ARFGEF1: variants seen among roughly 807,000 people sequenced by gnomAD.
The protein encoded by ARFGEF1 is brefeldin A-inhibited guanine nucleotide-exchange protein 1.
In ARFGEF1, 42 loss-of-function variants were observed where a neutral mutation model predicts 231.0. The observed-to-expected ratio is 0.18, with a 90% confidence interval of 0.14 to 0.24. ARFGEF1 has a LOEUF of 0.24. Among genes scored for constraint, ARFGEF1 ranks in the 10% least tolerant of loss-of-function variants. The pLI is 1.00. For synonymous variants in ARFGEF1, 710 were observed against 732.3 expected (o/e 0.97, Z 0.49); for missense variants, 1,345 against 2,192.0 (o/e 0.61, Z 7.72).
intron 1 of ARFGEF1, among the ~76,000 whole-genome samples, chr8:67,322,203 A>G (rs1807628364): frequency 6.6e-6 from 1 of 152,108 alleles, no homozygotes; most frequent in African/African-American, 2.4e-5. Flanking sequence ...ATCCTTACCT[A>G]TAACACTTTC....
At chr8:67,321,643 A>T (rs994473209) in intron 1 of ARFGEF1, among the ~76,000 whole-genome samples, 3 of 150,938 alleles carry the variant, frequency 2.0e-5, no homozygotes, top group African/African-American at 7.3e-5. Flanking sequence ...TTTATTTTTA[A>T]TAGAGACGGG....
intron 29 of ARFGEF1, among the ~76,000 whole-genome samples, chr8:67,219,883 T>C (rs763653158): frequency 3.4e-4 from 52 of 152,376 alleles, no homozygotes; most frequent in Non-Finnish European, 6.8e-4. Flanking sequence ...TGAGTGAATA[T>C]TAATTTTGTG....
At chr8:67,296,051 T>C (rs1806218852) in intron 5 of ARFGEF1, among the ~76,000 whole-genome samples, 1 of 152,172 alleles carries the variant, frequency 6.6e-6, no homozygotes, top group Non-Finnish European at 1.5e-5. Flanking sequence ...ATTTCATCAA[T>C]ATGGAAATAT....
At chr8:67,233,081 A>G (rs1436982638) in intron 22 of ARFGEF1, 136 bp from the exon 23 acceptor site, 4 of 716,866 alleles carry the variant, frequency 5.6e-6, no homozygotes, top group African/African-American at 1.8e-5. Context: ...AATTCTTTTG[A>G]TATCAGTGAC....
intron 5 of ARFGEF1, chr8:67,177,749 T>G: frequency 6.3e-7 from 1 of 1,585,022 alleles, no homozygotes; most frequent in Non-Finnish European, 8.7e-7. Context: ...TTACAATTTT[T>G]CAAGTTAGTT....
chr8:67,290,015 A>C (rs1805940095), intron 6 of ARFGEF1, among the ~76,000 whole-genome samples: 1 of 152,248 alleles, frequency 6.6e-6, no homozygotes, highest in Non-Finnish European at 1.5e-5. Flanking sequence ...TATTACATGT[A>C]GGAAATGCTT....
At chr8:67,200,046 C>T in intron 38 of ARFGEF1, 1 of 355,414 alleles carries the variant, frequency 2.8e-6, no homozygotes, top group Non-Finnish European at 5.6e-6. Context: ...GAGTAGTAGG[C>T]AGAGTACAAG....
chr8:67,189,337 A>G (rs1835552601), intron 5 of ARFGEF1, among the ~76,000 whole-genome samples: 1 of 152,224 alleles, frequency 6.6e-6, no homozygotes, highest in African/African-American at 2.4e-5. Flanking sequence ...ACCTTTATTC[A>G]TAATTGCTAA....
chr8:67,211,117 G>A (rs1336087471), intron 34 of ARFGEF1, among the ~76,000 whole-genome samples: 2 of 150,238 alleles, frequency 1.3e-5, no homozygotes, highest in Non-Finnish European at 3.0e-5. Context: ...AGGCTGAGGC[G>A]GGCAGATCAC....
At chr8:67,203,923 A>G (rs1280096899) in intron 35 of ARFGEF1, among the ~76,000 whole-genome samples, 1 of 152,128 alleles carries the variant, frequency 6.6e-6, no homozygotes, top group Non-Finnish European at 1.5e-5. Flanking sequence ...CTTCTACCCC[A>G]GGTGATTCCC....
At chr8:67,219,779 A>G (rs1005443335) in intron 29 of ARFGEF1, among the ~76,000 whole-genome samples, 1 of 152,224 alleles carries the variant, frequency 6.6e-6, no homozygotes, top group Non-Finnish European at 1.5e-5. Context: ...CTTGGCTGTA[A>G]ACTTTTTTAT....
At chr8:67,195,262 C>T (rs1353308972), downstream of ARFGEF1, 1 of 745,836 alleles carries the variant, frequency 1.3e-6, no homozygotes, top group Non-Finnish European at 2.4e-6. Context: ...CAGTAGAGTT[C>T]AGGATATGAG....
At chr8:67,339,465 C>G (rs1448853631) in intron 1 of ARFGEF1, among the ~76,000 whole-genome samples, 1 of 152,038 alleles carries the variant, frequency 6.6e-6, no homozygotes, top group Non-Finnish European at 1.5e-5. Flanking sequence ...ATAAAAGAAA[C>G]TCCTGAAACT....
chr8:67,223,228 G>T (rs1839261335), intron 29 of ARFGEF1, among the ~76,000 whole-genome samples: 1 of 152,162 alleles, frequency 6.6e-6, no homozygotes, highest in East Asian at 1.9e-4. Context: ...TGTTGTTAAA[G>T]ACAGAGAGTC....
intron 1 of ARFGEF1, among the ~76,000 whole-genome samples, chr8:67,308,598 C>T (rs1253281334): frequency 6.6e-6 from 1 of 152,140 alleles, no homozygotes; most frequent in African/African-American, 2.4e-5. Flanking sequence ...TGAAATATTC[C>T]ACAGCCTCAG....
At chr8:67,259,685 CAGG>C in intron 15 of ARFGEF1, 127 bp downstream of exon 15, 1 of 553,124 alleles carries the variant, frequency 1.8e-6, no homozygotes, top group South Asian at 2.9e-5. Context: ...GAGGCTGAGG[CAGG>C]AGGATTGCCT....
intron 1 of ARFGEF1, among the ~76,000 whole-genome samples, chr8:67,314,368 G>C (rs938382699): frequency 6.6e-6 from 1 of 152,256 alleles, no homozygotes; most frequent in Non-Finnish European, 1.5e-5. Flanking sequence ...TGCTCCTCTA[G>C]CCAACCTCCT....
At chr8:67,193,875 C>A (rs144835315), downstream of ARFGEF1, among the ~76,000 whole-genome samples, 176 of 152,290 alleles carry the variant, frequency 1.2e-3, 1 homozygote, top group African/African-American at 4.2e-3. Context: ...GCTTTGCTTT[C>A]AGCAAAGAAA....
intron 5 of ARFGEF1, among the ~76,000 whole-genome samples, chr8:67,180,871 T>G (rs1586798098): frequency 6.6e-6 from 1 of 152,122 alleles, no homozygotes; most frequent in South Asian, 2.1e-4. Context: ...TTTTTTAAAG[T>G]AGTATACACT....
Sources: allele counts gnomAD v4.1 joint callset (sites outside exome capture counted in the v4.1 genomes callset), GRCh38; gene constraint gnomAD v4.1.1; transcripts MANE v1.5; gene names NCBI Gene and HGNC (gene_info 2026-07-23, HGNC 2026-07-21).